The following CLEC16A variants were observed in gnomAD, a reference collection of about 807,000 sequenced individuals.
CLEC16A encodes the protein C-type lectin domain containing 16A.
Under a neutral mutation model 109.5 loss-of-function variants are expected in CLEC16A, and 51 were observed. The observed-to-expected ratio is 0.47, with a 90% CI of 0.37 to 0.59. The LOEUF (loss-of-function observed/expected upper bound fraction) is 0.59. Ranked by LOEUF, CLEC16A falls within the 20% of genes least tolerant of loss-of-function variation. CLEC16A has a pLI of 0.00. For synonymous variants in CLEC16A, 673 were observed against 564.2 expected (o/e 1.19, Z -2.73); for missense variants, 1,339 against 1,394.0 (o/e 0.96, Z 0.63).
At position 11,148,172 on chromosome 16, in the gene CLEC16A, G is replaced by A. The variant is rs115011950; in HGVS notation, c.2642-18216G>A. Among the ~76,000 whole-genome samples, 702 of 152,306 alleles carry A rather than the reference G, an allele frequency of 4.6e-3. 7 individuals are homozygous for A. Among genetic ancestry groups the A allele is most frequent in the African/African-American group, 0.016 (675 of 41,554 alleles). ...ACATTAGAAGTGCGGTGAGTAGTTC[G>A]TGTTGTGGATTTGAGATGGAAAACA... On this transcript the variant is annotated intron_variant, in intron 22 of 23. Coordinates refer to ENST00000409790, the MANE Select transcript of CLEC16A (RefSeq NM_015226.3).
intron 4 of CLEC16A, among the ~76,000 whole-genome samples, chr16:10,970,133 T>A (rs2146328283): frequency 6.6e-6 from 1 of 152,316 alleles, no homozygotes; most frequent in South Asian, 2.1e-4. Context: ...GGCTGGTTCA[T>A]CCTGTGGTTC....
intron 19 of CLEC16A, among the ~76,000 whole-genome samples, chr16:11,087,122 C>G (rs1161583346): frequency 6.6e-6 from 1 of 152,252 alleles, no homozygotes; most frequent in African/African-American, 2.4e-5. Flanking sequence ...TATTTTCTCA[C>G]AACATCTGAA....
At chr16:10,969,650 G>T (rs1007460370) in intron 4 of CLEC16A, among the ~76,000 whole-genome samples, 4 of 152,142 alleles carry the variant, frequency 2.6e-5, no homozygotes, top group Middle Eastern at 3.2e-3. Context: ...CACCTGGCCA[G>T]CCTTTCCATT....
At chr16:11,071,068 C>A (rs529520061) in intron 19 of CLEC16A, 1 of 152,224 alleles carries the variant, frequency 6.6e-6, no homozygotes, top group African/African-American at 2.4e-5. Flanking sequence ...GAGTGGAAGT[C>A]CCTGGCTATT....
chr16:11,067,699 G>T (rs1005159265), intron 19 of CLEC16A, among the ~76,000 whole-genome samples: 2 of 152,134 alleles, frequency 1.3e-5, no homozygotes, highest in Non-Finnish European at 2.9e-5. Context: ...GAGATTTATG[G>T]GTCAGGGCAG....
rs1029904647 is a variant in CLEC16A at position 11,182,125 on chromosome 16, A to G, written c.*3435A>G. ...GTGGGTACTGAACACGAGGGTGGAA[A>G]TGAAAACTGGAACTTCCTTGTAAAT... On this transcript the variant is annotated 3_prime_UTR_variant, in exon 24 of 24. Coordinates refer to ENST00000409790, the MANE Select transcript of CLEC16A (RefSeq NM_015226.3). 6.6e-6 allele frequency: 1 copy of G among 152,274 alleles called. No homozygotes were observed. The highest frequency in any genetic ancestry group is 2.4e-5 in the African/African-American group (1 of 41,446). The allele number at this position is 152,274 out of a possible 1,614,324, so 9.4% of individuals were successfully genotyped here.
chr16:10,955,938 G>A (rs2041964016), intron 1 of CLEC16A, among the ~76,000 whole-genome samples: 1 of 152,240 alleles, frequency 6.6e-6, no homozygotes, highest in Non-Finnish European at 1.5e-5. Context: ...TTACAAAGGT[G>A]ATTCTGATGC....
chr16:10,979,399 A>C lies in CLEC16A; in HGVS notation c.957+17A>C, dbSNP rs1409259996. The C allele has an allele frequency of 1.2e-6, 2 of 1,610,990 alleles. No homozygotes were observed. Among genetic ancestry groups the C allele is most frequent in the Non-Finnish European group, 1.7e-6 (2 of 1,178,662 alleles). On this transcript the variant is annotated intron_variant, in intron 9 of 23. Transcript: ENST00000409790. Reference sequence around the variant, plus strand: ...CTGTCACAGGTATGCTTGATCATTCACCAATGTCCCCACTACATTTGGGGT... The same window carrying C: ...CTGTCACAGGTATGCTTGATCATTCCCCAATGTCCCCACTACATTTGGGGT...
intron 18 of CLEC16A, among the ~76,000 whole-genome samples, chr16:11,059,477 G>T (rs527255212): frequency 6.6e-5 from 10 of 152,334 alleles, no homozygotes; most frequent in African/African-American, 1.9e-4. Context: ...CCACTGGTTA[G>T]GGCGCAAGGC....
chr16:11,103,527 C>T (rs1262439871), intron 19 of CLEC16A, among the ~76,000 whole-genome samples: 1 of 152,160 alleles, frequency 6.6e-6, no homozygotes, highest in Non-Finnish European at 1.5e-5. Context: ...TTGCAATAAG[C>T]CAGGAATGCG....
At chr16:10,960,005 T>C (rs1031983849) in intron 2 of CLEC16A, among the ~76,000 whole-genome samples, 2 of 152,214 alleles carry the variant, frequency 1.3e-5, no homozygotes, top group African/African-American at 4.8e-5. Flanking sequence ...TCCATGATTC[T>C]TAAACAGTTA....
At chr16:11,080,313 C>G (rs1242668730) in intron 19 of CLEC16A, among the ~76,000 whole-genome samples, 1 of 152,156 alleles carries the variant, frequency 6.6e-6, no homozygotes, top group East Asian at 1.9e-4. Flanking sequence ...AAGAAGAATA[C>G]AGAGTAGTTG....
chr16:10,953,731 C>T (rs908823959), intron 1 of CLEC16A, among the ~76,000 whole-genome samples: 8 of 152,210 alleles, frequency 5.3e-5, no homozygotes, highest in African/African-American at 1.7e-4. Context: ...AATCCAAACA[C>T]TTTGGGAGGC....
chr16:11,103,801 G>C (rs1287331577), intron 19 of CLEC16A, among the ~76,000 whole-genome samples: 1 of 152,126 alleles, frequency 6.6e-6, no homozygotes, highest in African/African-American at 2.4e-5. Context: ...GCAGAGTCCA[G>C]CACCCCCAGA....
rs79905069 is a variant in CLEC16A, at chr16:11,032,732, A to C, written c.1538-7022A>C. On this transcript the variant is annotated intron_variant, in intron 13 of 23. Transcript: ENST00000409790. ...AGCCAGCTCTGCAAAGACCTGGGGC[A>C]AGAGTCCTCCAGGTGAAGGGAGCAG... Among the ~76,000 whole-genome samples, 167 of 152,322 alleles carry C rather than the reference A, an allele frequency of 1.1e-3. No individual in the cohort carries two copies. The East Asian group carries it at 0.029, about 26-fold the overall frequency.
rs138938378 is a variant in CLEC16A, at chr16:11,082,822, G to C, written c.2116+21800G>C. ...TTTGGCAAATCTGTACCCTAGTTTT[G>C]TTTAGTTGTGTGTGGGCGTGGGGTT... On this transcript the variant is annotated intron_variant, in intron 19 of 23. Coordinates refer to ENST00000409790, the MANE Select transcript of CLEC16A (RefSeq NM_015226.3). Among the ~76,000 whole-genome samples the C allele has an allele frequency of 3.3e-5, 5 of 152,300 alleles. No homozygotes were observed. The East Asian group carries it at 9.6e-4, about 29-fold the overall frequency.
rs1366908279 is a variant in CLEC16A at position 11,178,653 on chromosome 16, C to G, written c.3125C>G (p.Ala1042Gly). The G allele has an allele frequency of 1.3e-6, 2 of 1,557,086 alleles. No individual in the cohort carries two copies. Among genetic ancestry groups the G allele is most frequent in the African/African-American group, 2.7e-5 (2 of 73,868 alleles). ...TGCACAGAGCCCGTGGGCGAAGAGG[C>G]TGCATGTGCTGAGCCTGTGGGCACC... Reference protein sequence around the residue: ...AACTEPVGEEAACAEPVGTAE... With the variant: ...AACTEPVGEEGACAEPVGTAE... The change falls in exon 24 of 24, where the codon GCT (alanine) becomes GGT (glycine). Residue 1042 changes from alanine (A) to glycine (G), a missense_variant. Around this residue, in one of 3 missense-constraint regions of CLEC16A, gnomAD observed 1,061 missense variants for 1,006.8 expected, o/e 1.05. Coordinates refer to ENST00000409790, the MANE Select transcript of CLEC16A (RefSeq NM_015226.3). This position sits in a 1 kb window ranked among gnomAD's most constrained non-coding sequence, Gnocchi z 6.5.
chr16:11,036,495 A>G (rs2047026957), intron 13 of CLEC16A, among the ~76,000 whole-genome samples: 3 of 146,096 alleles, frequency 2.1e-5, no homozygotes, highest in Admixed American at 2.0e-4. Context: ...CTGTAGCTTG[A>G]TTTAGCTCTT....
At chr16:11,130,815 C>T (rs758283350) in intron 22 of CLEC16A, among the ~76,000 whole-genome samples, 1 of 152,162 alleles carries the variant, frequency 6.6e-6, no homozygotes, top group Non-Finnish European at 1.5e-5. Flanking sequence ...GGCTGCCAGA[C>T]AAGGGTGTTT....
Sources: gnomAD v4.1 joint callset for allele counts (sites outside exome capture counted in the v4.1 genomes callset) on GRCh38, gnomAD v4.1.1 for gene constraint, gnomAD v4.1.1 regional missense constraint, Gnocchi (gnomAD v3.1) non-coding constraint, MANE v1.5 for transcripts, NCBI Gene and HGNC (gene_info 2026-07-23, HGNC 2026-07-21) for gene names.